The following EIF2AK1 variants were observed in gnomAD, a reference collection of about 807,000 sequenced individuals.
EIF2AK1 encodes eukaryotic translation initiation factor 2 alpha kinase 1, also known as eukaryotic translation initiation factor 2-alpha kinase 1.
Under a neutral mutation model 77.9 loss-of-function variants are expected in EIF2AK1, and 54 were observed. That is an observed-to-expected ratio of 0.69 (90% CI 0.56 to 0.87). The LOEUF (loss-of-function observed/expected upper bound fraction) is 0.87. EIF2AK1 is among the 40% of genes least tolerant of loss of function. The pLI, the probability that EIF2AK1 is intolerant of heterozygous loss-of-function variation, is 0.00. For missense variants in EIF2AK1, 810 were observed against 768.6 expected, an observed-to-expected ratio of 1.05 and a Z score of -0.64; for synonymous variants, 314 against 290.5, an observed-to-expected ratio of 1.08 and a Z score of -0.82.
intron 1 of EIF2AK1, among the ~76,000 whole-genome samples, chr7:6,056,628 A>ATATATATATATATATATATATATT: frequency 1.3e-5 from 1 of 75,932 alleles, no homozygotes; most frequent in Non-Finnish European, 2.6e-5. Flanking sequence ...ATATATATAT[A>ATATATATATATATATATATATATT]TATATATAAA....
chr7:6,049,604 GGCCTCTCCTTT>G (rs1337442720), intron 3 of EIF2AK1, among the ~76,000 whole-genome samples: 1 of 150,420 alleles, frequency 6.6e-6, no homozygotes, highest in Admixed American at 6.7e-5. Flanking sequence ...GTCCATCTGT[GGCCTCTCCTTT>G]GCCTCTCCTC....
chr7:6,046,003 A>G (rs747840821), intron 6 of EIF2AK1, 68 bp downstream of exon 6: 2 of 1,047,050 alleles, frequency 1.9e-6, no homozygotes, highest in Non-Finnish European at 2.7e-6. Flanking sequence ...ACACATATAC[A>G]TGTATAACTC....
chr7:6,056,598 GA>G (rs1181376161), intron 1 of EIF2AK1, among the ~76,000 whole-genome samples: 23 of 48,822 alleles, frequency 4.7e-4, no homozygotes, highest in Admixed American at 2.3e-3. Context: ...CATCTCAAGG[GA>G]AAAAAAAAAA....
chr7:6,045,945 C>A, intron 6 of EIF2AK1, 126 bp downstream of exon 6: 1 of 553,126 alleles, frequency 1.8e-6, no homozygotes, highest in Non-Finnish European at 3.1e-6. Flanking sequence ...TACTATAACC[C>A]CATTCCTAGT....
intron 9 of EIF2AK1, among the ~76,000 whole-genome samples, chr7:6,038,919 A>G (rs566328143): frequency 2.0e-5 from 3 of 152,250 alleles, no homozygotes; most frequent in South Asian, 2.1e-4. Flanking sequence ...TTGTAATACC[A>G]GCAGAAGGGG....
intron 11 of EIF2AK1, among the ~76,000 whole-genome samples, chr7:6,029,268 G>A (rs1442083717): frequency 6.6e-6 from 1 of 152,178 alleles, no homozygotes; most frequent in African/African-American, 2.4e-5. Context: ...GGGAGACTGA[G>A]GCAGGCGGAT....
rs1360926041 is a variant in EIF2AK1, at chr7:6,024,054, A to C, written c.*619T>G. On this transcript the variant is annotated 3_prime_UTR_variant, in exon 15 of 15. Coordinates refer to ENST00000199389, the MANE Select transcript of EIF2AK1 (RefSeq NM_014413.4). Reference sequence around the variant, plus strand: ...CAGGAAAGAGATCTGAGCTGCCTGGAGATCATCTGGGGTGCGGAGTACAAA... The same window carrying C: ...CAGGAAAGAGATCTGAGCTGCCTGGCGATCATCTGGGGTGCGGAGTACAAA... 1 of 1,309,614 alleles carries C rather than the reference A, an allele frequency of 7.6e-7. No individual in the cohort carries two copies. The highest frequency in any genetic ancestry group is 1.0e-6 in the Non-Finnish European group (1 of 1,003,096). The allele number at this position is 1,309,614 out of a possible 1,614,324, so 81.1% of individuals were successfully genotyped here.
chr7:6,055,070 C>T (rs655692), intron 1 of EIF2AK1, among the ~76,000 whole-genome samples: 52,744 of 151,948 alleles, frequency 0.35, 10,104 homozygotes, highest in Middle Eastern at 0.46. Flanking sequence ...TGGCCGGGCG[C>T]GGTTGTTCAT....
intron 11 of EIF2AK1, chr7:6,031,630 C>T: frequency 5.2e-6 from 8 of 1,542,100 alleles, no homozygotes; most frequent in Non-Finnish European, 7.0e-6. Flanking sequence ...GGAAAAAAGT[C>T]AGGCTGCTTA....
At position 6,023,977 on chromosome 7, in the gene EIF2AK1, G is replaced by A. The variant is rs1787661062; in HGVS notation, c.*696C>T. The A allele has an allele frequency of 7.3e-7, 1 of 1,376,616 alleles. No individual in the cohort carries two copies. Among genetic ancestry groups the A allele is most frequent in the South Asian group, 1.2e-5 (1 of 81,820 alleles). 85.3% of individuals were successfully genotyped at this position (1,376,616 alleles called of 1,614,324 possible). A position where few individuals can be genotyped will look rare whatever the true frequency, so the allele number is the denominator to read the frequency against. On this transcript the variant is annotated 3_prime_UTR_variant, in exon 15 of 15. Coordinates refer to ENST00000199389, the MANE Select transcript of EIF2AK1 (RefSeq NM_014413.4). ...GAGGGATGTACAGATTGGCTGGGGA[G>A]CTGAGTGCTACAATAAAGGAGGAAG...
In EIF2AK1 at chr7:6,024,164, CTG is replaced by C; in HGVS notation, c.*507_*508del. Reference sequence around the variant, plus strand: ...AAGGTTGGAAGTTGCACACTGTACACTGTTAAGAAGTTGAGCTTTTATCTTAG... The same window carrying C: ...AAGGTTGGAAGTTGCACACTGTACACTTAAGAAGTTGAGCTTTTATCTTAG... On this transcript the variant is annotated 3_prime_UTR_variant, in exon 15 of 15. Coordinates refer to ENST00000199389, the MANE Select transcript of EIF2AK1 (RefSeq NM_014413.4). The C allele has an allele frequency of 7.8e-7, 1 of 1,281,880 alleles. No individual in the cohort carries two copies. 79.4% of individuals were successfully genotyped at this position (1,281,880 alleles called of 1,614,324 possible).
At chr7:6,048,972 T>A in intron 3 of EIF2AK1, 128 bp from the exon 4 acceptor site, 1 of 618,768 alleles carries the variant, frequency 1.6e-6, no homozygotes, top group Non-Finnish European at 2.8e-6. Flanking sequence ...ACTGGCTTTT[T>A]CAGTATTACT....
rs537619771 is a variant in EIF2AK1, at chr7:6,043,335, G to C, written c.731-342C>G. On this transcript the variant is annotated intron_variant, in intron 7 of 14. Coordinates refer to ENST00000199389, the MANE Select transcript of EIF2AK1 (RefSeq NM_014413.4). ...CTCATGCCTGTAATCCCAACTCTTTGGGAGGCCGAGGCTCGAGGATCACTT... is the reference window on the plus strand; with the variant it reads ...CTCATGCCTGTAATCCCAACTCTTTCGGAGGCCGAGGCTCGAGGATCACTT... 1.6e-4 allele frequency among the ~76,000 whole-genome samples: 25 copies of C among 152,206 alleles called. No individual in the cohort carries two copies. In the South Asian group the frequency reaches 4.6e-3, roughly 28 times the overall value.
At chr7:6,052,946 G>A (rs190639774) in intron 2 of EIF2AK1, among the ~76,000 whole-genome samples, 566 of 151,578 alleles carry the variant, frequency 3.7e-3, no homozygotes, top group Admixed American at 5.6e-3. Context: ...CTGGGCAACA[G>A]AGTGAGACTC....
chr7:6,041,398 G>A (rs554741938), intron 8 of EIF2AK1, among the ~76,000 whole-genome samples, 179 bp from the exon 9 acceptor site: 1 of 152,036 alleles, frequency 6.6e-6, no homozygotes, highest in South Asian at 2.1e-4. Context: ...AATTAGACGG[G>A]TATGGTGGCA....
At chr7:6,054,511 G>C (rs1440992854) in intron 2 of EIF2AK1, 35 bp downstream of exon 2, 1 of 1,610,072 alleles carries the variant, frequency 6.2e-7, no homozygotes, top group Admixed American at 1.7e-5. Context: ...GCCTTTACAA[G>C]CTTTATTTAG....
intron 10 of EIF2AK1, 95 bp from the exon 11 acceptor site, chr7:6,037,619 G>T: frequency 1.3e-6 from 1 of 756,132 alleles, no homozygotes; most frequent in South Asian, 1.7e-5. Context: ...ATTAACATCT[G>T]ACACTTAAGA....
chr7:6,054,347 G>A (rs969354153), intron 2 of EIF2AK1, among the ~76,000 whole-genome samples, 199 bp downstream of exon 2: 1 of 152,062 alleles, frequency 6.6e-6, no homozygotes, highest in Non-Finnish European at 1.5e-5. Flanking sequence ...GGGGTTACAG[G>A]TGCCTGCCAC....
chr7:6,054,546 G>T lies in EIF2AK1; in HGVS notation c.277C>A (p.Leu93Ile). The T allele has an allele frequency of 6.2e-7, 1 of 1,613,862 alleles. No individual in the cohort carries two copies. The highest frequency in any genetic ancestry group is 2.2e-5 in the East Asian group (1 of 44,866). ...NPLRSRQVFK[L>I]LCQTFIKMGL... ...GCAAGATTCATTTATTCTTACTTAC[G>T]CTTAAACACCTGTCTTGAACGAAGT... Residue 93 changes from leucine (L) to isoleucine (I), a missense_variant and splice_region_variant, in exon 2 of 15, where the codon CTA becomes ATA. By Grantham distance (5) the Leu-to-Ile change is conservative. Around this residue, in one of 3 missense-constraint regions of EIF2AK1, gnomAD observed 246 missense variants for 199.0 expected, o/e 1.24. Coordinates refer to ENST00000199389, the MANE Select transcript of EIF2AK1 (RefSeq NM_014413.4).
Sources: gnomAD v4.1 joint callset for allele counts (sites outside exome capture counted in the v4.1 genomes callset) on GRCh38, gnomAD v4.1.1 for gene constraint, gnomAD v4.1.1 regional missense constraint, MANE v1.5 for transcripts, NCBI Gene and HGNC (gene_info 2026-07-23, HGNC 2026-07-21) for gene names.